DIDO1: variants seen among roughly 807,000 people sequenced by gnomAD.
The protein encoded by DIDO1 is death inducer-obliterator 1.
In DIDO1, 16 loss-of-function variants were observed where a neutral mutation model predicts 99.4. The observed-to-expected ratio is 0.16, with a 90% CI of 0.11 to 0.24. The LOEUF (loss-of-function observed/expected upper bound fraction) is 0.24. DIDO1 is among the 10% of genes least tolerant of loss of function. The pLI, the probability that DIDO1 is intolerant of heterozygous loss-of-function variation, is 1.00. For missense variants in DIDO1, 2,996 were observed against 3,014.0 expected (o/e 0.99, Z 0.14); for synonymous variants, 1,366 against 1,239.1 (o/e 1.10, Z -2.15).
chr20:62,890,105 G>A (rs2064367838), intron 15 of DIDO1: 1 of 985,564 alleles, frequency 1.0e-6, no homozygotes, highest in South Asian at 4.7e-5. Flanking sequence ...TGGTGACAGG[G>A]ACAGAGGGCA....
upstream of DIDO1, among the ~76,000 whole-genome samples, chr20:62,929,753 G>T (rs2065310740): frequency 1.0e-5 from 1 of 97,530 alleles, no homozygotes; most frequent in Admixed American, 1.1e-4. Context: ...TTCAGCCACT[G>T]TTTTGTTTTT....
chr20:62,884,987 G>T (rs546848991), intron 15 of DIDO1, among the ~76,000 whole-genome samples: 1 of 152,184 alleles, frequency 6.6e-6, no homozygotes, highest in Non-Finnish European at 1.5e-5. Context: ...ATTTTAAAAC[G>T]GTATTTCTCT....
intron 1 of DIDO1, among the ~76,000 whole-genome samples, chr20:62,924,302 G>A (rs147656295): frequency 2.6e-5 from 4 of 152,290 alleles, no homozygotes; most frequent in Admixed American, 1.3e-4. Context: ...TCTCAGGCAA[G>A]GGCACAGTGC....
rs752197720 is a variant in DIDO1, at chr20:62,911,172, G to T, written c.441C>A (p.Asp147Glu). 2 of 1,614,046 alleles carry T rather than the reference G, an allele frequency of 1.2e-6. No individual in the cohort carries two copies. Among genetic ancestry groups the T allele is most frequent in the Non-Finnish European group, 1.7e-6 (2 of 1,180,036 alleles). Reference protein sequence around the residue: ...ASSEKVKGGDDHDDTSDSDSD... With the variant: ...ASSEKVKGGDEHDDTSDSDSD... ...TGTCACTATCGGAGGTGTCATCGTG[G>T]TCATCCCCTCCTTTCACCTTTTCAG... Residue 147 changes from aspartate (D) to glutamate (E), a missense_variant, in exon 3 of 16, where the codon GAC becomes GAA. Asp to Glu is a conservative substitution (Grantham distance 45). This residue lies in a region of DIDO1 where 388 missense variants were observed against 376.6 expected (regional missense o/e 1.03). Coordinates refer to ENST00000395343, the MANE Select transcript of DIDO1 (RefSeq NM_001193369.2). This position sits in a 1 kb window ranked among gnomAD's most constrained non-coding sequence, Gnocchi z 7.0.
In DIDO1 at chr20:62,878,223, T is replaced by C. The variant is rs2064139450; in HGVS notation, c.*1010A>G. 1 of 152,260 alleles carries C rather than the reference T, an allele frequency of 6.6e-6. No homozygotes were observed. Among genetic ancestry groups the C allele is most frequent in the Admixed American group, 6.5e-5 (1 of 15,284 alleles). The allele number at this position is 152,260 out of a possible 1,614,324, so 9.4% of individuals were successfully genotyped here. A position where few individuals can be genotyped will look rare whatever the true frequency, so the allele number is the denominator to read the frequency against. On this transcript the variant is annotated 3_prime_UTR_variant, in exon 16 of 16. Transcript: ENST00000395343. ...AAATAAATTAGCCAGATTTTTTTAC[T>C]TCACACTTCAGAAGTACTCGAAAAA... is the stretch of plus-strand genomic sequence containing the variant.
At chr20:62,904,605 A>T (rs1439084772) in intron 6 of DIDO1, among the ~76,000 whole-genome samples, 1 of 151,768 alleles carries the variant, frequency 6.6e-6, no homozygotes, top group Non-Finnish European at 1.5e-5. Context: ...ACATGGTGAA[A>T]CCCCGTCTCT....
intron 3 of DIDO1, 144 bp from the exon 4 acceptor site, chr20:62,910,164 CTTTGAT>C (rs966253788): frequency 1.1e-5 from 11 of 987,352 alleles, no homozygotes; most frequent in African/African-American, 8.2e-5. Flanking sequence ...CATGCCTTTC[CTTTGAT>C]TTTAACATTC....
chr20:62,897,170 G>A (rs1568849923), intron 6 of DIDO1, among the ~76,000 whole-genome samples, 174 bp from the exon 7 acceptor site: 1 of 152,306 alleles, frequency 6.6e-6, no homozygotes, highest in East Asian at 1.9e-4. Context: ...GTGTAAGGGA[G>A]GACCGCCAGC....
At position 62,911,583 on chromosome 20, in the gene DIDO1, C is replaced by T. The variant is rs2064942671; in HGVS notation, c.30G>A (p.Glu10=). 3 of 1,596,008 alleles carry T rather than the reference C, an allele frequency of 1.9e-6. No homozygotes were observed. Among genetic ancestry groups the T allele is most frequent in the Non-Finnish European group, 2.6e-6 (3 of 1,169,324 alleles). The change falls in exon 3 of 16, where the codon GAG becomes GAA. Residue 10 remains glutamate (E), a synonymous_variant. Coordinates refer to ENST00000395343, the MANE Select transcript of DIDO1 (RefSeq NM_001193369.2). This position sits in a 1 kb window ranked among gnomAD's most constrained non-coding sequence, Gnocchi z 7.0. ...TGGGTTTGATGGCCTTAGGTGCCTC[C>T]TCATTGCTCGGGTCGCCTTTGTCGT... MDDKGDPSN[E]EAPKAIKPTS...
At position 62,881,859 on chromosome 20, in the gene DIDO1, T is replaced by C. The variant is rs878996913; in HGVS notation, c.4097A>G (p.Gln1366Arg). Reference sequence around the variant, plus strand: ...CTTATCTTTTGAGAACTGACCGAACTGCTGGACGATCGGATCTAACAACGG... The same window carrying C: ...CTTATCTTTTGAGAACTGACCGAACCGCTGGACGATCGGATCTAACAACGG... ...APPLLDPIVQQFGQFSKDKAL... is the reference protein window; with the variant it reads ...APPLLDPIVQRFGQFSKDKAL... Residue 1366 changes from glutamine (Q) to arginine (R), a missense_variant, in exon 16 of 16, where the codon CAG (glutamine) becomes CGG (arginine). Physicochemically the swap from Gln to Arg is conservative, Grantham distance 43 (BLOSUM62 1). Transcript: ENST00000395343. The surrounding 1 kb of genome is among the most constrained non-coding windows in gnomAD (Gnocchi z 8.3). 2 of 1,613,566 alleles carry C rather than the reference T, an allele frequency of 1.2e-6. No homozygotes were observed. Among genetic ancestry groups the C allele is most frequent in the Non-Finnish European group, 1.7e-6 (2 of 1,180,016 alleles).
intron 1 of DIDO1, among the ~76,000 whole-genome samples, chr20:62,931,536 C>A (rs758586967): frequency 4.6e-5 from 7 of 152,150 alleles, no homozygotes; most frequent in Admixed American, 6.5e-5. Context: ...GTGGTTGTAC[C>A]CAAATAGGAC....
chr20:62,907,794 T>A (rs1351209108), intron 4 of DIDO1, among the ~76,000 whole-genome samples: 2 of 152,226 alleles, frequency 1.3e-5, no homozygotes, highest in Non-Finnish European at 2.9e-5. Flanking sequence ...GAACTGGGTC[T>A]TTCATGAAGA....
chr20:62,879,891 C>T lies in DIDO1; in HGVS notation c.6065G>A (p.Gly2022Asp). ...GGGAAGCTCCAGCAGGGGCCTGGGGCCCGGCTTCATCACCTGCGGGGCCTG... is the reference window on the plus strand; with the variant it reads ...GGGAAGCTCCAGCAGGGGCCTGGGGTCCGGCTTCATCACCTGCGGGGCCTG... ...QGQAPQVMKP[G>D]PRPLLELPSH... is the part of the protein sequence containing the mutation. The change falls in exon 16 of 16, where the codon GGC (glycine) becomes GAC (aspartate). Residue 2022 changes from glycine (G) to aspartate (D), a missense_variant. Around this residue, in one of 5 missense-constraint regions of DIDO1, gnomAD observed 1,562 missense variants for 1,412.6 expected, o/e 1.11. Coordinates refer to ENST00000395343, the MANE Select transcript of DIDO1 (RefSeq NM_001193369.2). This position sits in a 1 kb window ranked among gnomAD's most constrained non-coding sequence, Gnocchi z 6.3. 6.3e-7 allele frequency: 1 copy of T among 1,586,856 alleles called. No homozygotes were observed. The highest frequency in any genetic ancestry group is 8.6e-7 in the Non-Finnish European group (1 of 1,169,136).
rs763452812 is a variant in DIDO1, at chr20:62,911,157, G to A, written c.456C>T (p.Ser152=). Residue 152 remains serine, a synonymous_variant, in exon 3 of 16, where the codon TCC becomes TCT. Coordinates refer to ENST00000395343, the MANE Select transcript of DIDO1 (RefSeq NM_001193369.2). This position sits in a 1 kb window ranked among gnomAD's most constrained non-coding sequence, Gnocchi z 7.0. ...AGGTCAGGCCATCGCTGTCACTATC[G>A]GAGGTGTCATCGTGGTCATCCCCTC... ...VKGGDDHDDT[S]DSDSDGLTLK... The A allele has an allele frequency of 4.4e-5, 71 of 1,613,952 alleles. No homozygotes were observed. The Middle Eastern group carries it at 8.2e-4, about 19-fold the overall frequency.
rs1016618585 is a variant in DIDO1, at chr20:62,893,943, G to A, written c.2824C>T (p.Pro942Ser). The change falls in exon 12 of 16, where the codon CCG becomes TCG. Residue 942 changes from proline to serine, a missense_variant. Coordinates refer to ENST00000395343, the MANE Select transcript of DIDO1 (RefSeq NM_001193369.2). ...PPGDGHPEPSPLEDLSPCPAS... is the reference protein window; with the variant it reads ...PPGDGHPEPSSLEDLSPCPAS... ...GGGCAGGGGGACAGGTCTTCCAGCG[G>A]GGAGGGCTCGGGATGGCCATCTCCT... The A allele has an allele frequency of 1.2e-6, 2 of 1,612,272 alleles. No individual in the cohort carries two copies. The highest frequency in any genetic ancestry group is 1.7e-5 in the Admixed American group (1 of 60,010).
At chr20:62,905,791 ACAAAGCTG>A in intron 6 of DIDO1, 88 bp downstream of exon 6, 1 of 1,613,098 alleles carries the variant, frequency 6.2e-7, no homozygotes, top group South Asian at 1.1e-5. Context: ...TCAGCTTAAC[ACAAAGCTG>A]CAACTCCCAG....
Position 62,911,209 on chromosome 20 carries a change from C to G in DIDO1, c.404G>C (p.Arg135Pro). ...TTTCACCTTTTCAGAAGAGGCTGGT[C>G]GTTCCTTCACAGCTGTGGAAGCAGA... ...PQSASTAVKE[R>P]PASSEKVKGG... The change falls in exon 3 of 16, where the codon CGA (arginine) becomes CCA (proline). Residue 135 changes from arginine (R) to proline (P), a missense_variant. Coordinates refer to ENST00000395343, the MANE Select transcript of DIDO1 (RefSeq NM_001193369.2). This position sits in a 1 kb window ranked among gnomAD's most constrained non-coding sequence, Gnocchi z 7.0. 6.2e-7 allele frequency: 1 copy of G among 1,613,722 alleles called. No individual in the cohort carries two copies. The highest frequency in any genetic ancestry group is 1.1e-5 in the South Asian group (1 of 91,062).
chr20:62,905,440 T>C (rs1242131803), intron 6 of DIDO1: 5 of 1,511,068 alleles, frequency 3.3e-6, no homozygotes, highest in African/African-American at 1.4e-5. Context: ...AAAAAAGAAG[T>C]GATGCTTTCA....
chr20:62,888,846 C>A (rs552380019), intron 15 of DIDO1: 2 of 985,390 alleles, frequency 2.0e-6, no homozygotes, highest in Non-Finnish European at 2.4e-6. Flanking sequence ...TTCACGCACA[C>A]GCATTCATGT....
Sources: gnomAD v4.1 joint callset for allele counts (sites outside exome capture counted in the v4.1 genomes callset) on GRCh38, gnomAD v4.1.1 for gene constraint, gnomAD v4.1.1 regional missense constraint, Gnocchi (gnomAD v3.1) non-coding constraint, MANE v1.5 for transcripts, NCBI Gene and HGNC (gene_info 2026-07-23, HGNC 2026-07-21) for gene names.